The following CDH20 variants were observed in gnomAD, a reference collection of about 807,000 sequenced individuals.
CDH20 encodes the protein cadherin-20.
Under a neutral mutation model 74.2 loss-of-function variants are expected in CDH20, and 29 were observed. The ratio of observed to expected loss-of-function variants is 0.39; its 90% CI spans 0.29 to 0.53. The LOEUF (loss-of-function observed/expected upper bound fraction) is 0.53, where lower values mean the gene tolerates loss of function less well. CDH20 is among the 20% of genes least tolerant of loss of function. CDH20 has a pLI of 0.69. For missense variants in CDH20, 988 were observed against 1,048.3 expected, an observed-to-expected ratio of 0.94 and a Z score of 0.79; for synonymous variants, 469 against 405.4, an observed-to-expected ratio of 1.16 and a Z score of -1.88.
At chr18:61,412,160 C>T (rs1305829523) in intron 1 of CDH20, among the ~76,000 whole-genome samples, 1 of 151,542 alleles carries the variant, frequency 6.6e-6, no homozygotes, top group African/African-American at 2.4e-5. Context: ...TTCCATAAAT[C>T]AGTTAAAAAG....
intron 9 of CDH20, among the ~76,000 whole-genome samples, chr18:61,544,049 T>C (rs1251137893): frequency 6.6e-6 from 1 of 152,244 alleles, no homozygotes; most frequent in Non-Finnish European, 1.5e-5. Flanking sequence ...GTAACATTTA[T>C]CCTATGCCTA....
chr18:61,501,496 G>A (rs73453548), intron 4 of CDH20, among the ~76,000 whole-genome samples: 1 of 152,174 alleles, frequency 6.6e-6, no homozygotes, highest in African/African-American at 2.4e-5. Context: ...ATGGGACCTA[G>A]GAGTAATTAA....
chr18:61,455,742 A>T (rs538499966), intron 1 of CDH20, among the ~76,000 whole-genome samples: 362 of 152,298 alleles, frequency 2.4e-3, no homozygotes, highest in Non-Finnish European at 4.0e-3. Flanking sequence ...GTTTAAAATT[A>T]TTTGCCAGAT....
chr18:61,447,976 A>G (rs1485615615), intron 1 of CDH20, among the ~76,000 whole-genome samples: 1 of 152,146 alleles, frequency 6.6e-6, no homozygotes, highest in Non-Finnish European at 1.5e-5. Flanking sequence ...TTAACCAAAC[A>G]AGGACTCAAT....
In CDH20 at chr18:61,552,010, T is replaced by G. The variant is rs923468125; in HGVS notation, c.1900+1781T>G. On this transcript the variant is annotated intron_variant, in intron 11 of 11. Coordinates refer to ENST00000262717, the MANE Select transcript of CDH20 (RefSeq NM_031891.4). Reference sequence around the variant, plus strand: ...AAGTAAACAGTTTTCAGGAGCTAAATTGAGCAGAGCTGTCATAAAATCCTC... The same window carrying G: ...AAGTAAACAGTTTTCAGGAGCTAAAGTGAGCAGAGCTGTCATAAAATCCTC... Among the ~76,000 whole-genome samples the G allele has an allele frequency of 3.3e-5, 5 of 152,318 alleles. 1 individual carries two copies. In the Middle Eastern group the frequency reaches 0.01, roughly 313 times the overall value.
At chr18:61,470,141 T>C (rs1364552713) in intron 1 of CDH20, among the ~76,000 whole-genome samples, 1 of 152,148 alleles carries the variant, frequency 6.6e-6, no homozygotes, top group African/African-American at 2.4e-5. Flanking sequence ...ACAATTCCCC[T>C]GCCAACGGCT....
intron 1 of CDH20, among the ~76,000 whole-genome samples, chr18:61,347,305 TATATATATATATATAC>T (rs1198383070): frequency 1.2e-5 from 1 of 82,874 alleles, no homozygotes; most frequent in African/African-American, 5.6e-5. Flanking sequence ...TATATATATA[TATATATATATATATAC>T]ACACACACAC....
At chr18:61,414,742 A>C (rs1011701024) in intron 1 of CDH20, among the ~76,000 whole-genome samples, 25 of 152,076 alleles carry the variant, frequency 1.6e-4, no homozygotes, top group African/African-American at 5.5e-4. Context: ...AATGTACATG[A>C]TTGTCAGAGA....
chr18:61,406,727 T>C (rs1306255951), intron 1 of CDH20, among the ~76,000 whole-genome samples: 1 of 151,942 alleles, frequency 6.6e-6, no homozygotes, highest in East Asian at 1.9e-4. Flanking sequence ...AACGAAGAGG[T>C]GGAGGAAAGC....
intron 1 of CDH20, among the ~76,000 whole-genome samples, chr18:61,411,762 G>A (rs1032546208): frequency 1.3e-5 from 2 of 152,076 alleles, no homozygotes; most frequent in African/African-American, 4.8e-5. Context: ...TTCAGGAATG[G>A]AAAACCAAAT....
chr18:61,443,048 A>G (rs1422627665), intron 1 of CDH20, among the ~76,000 whole-genome samples: 1 of 152,214 alleles, frequency 6.6e-6, no homozygotes, highest in Non-Finnish European at 1.5e-5. Context: ...AAGTACTTTT[A>G]TGATGGAAAG....
At chr18:61,417,655 A>G (rs1293833154) in intron 1 of CDH20, among the ~76,000 whole-genome samples, 1 of 149,106 alleles carries the variant, frequency 6.7e-6, no homozygotes, top group Non-Finnish European at 1.5e-5. Flanking sequence ...GAGGCTGGGA[A>G]GGGTAGTGTG....
At chr18:61,475,105 G>A (rs1910322085) in intron 1 of CDH20, among the ~76,000 whole-genome samples, 1 of 152,126 alleles carries the variant, frequency 6.6e-6, no homozygotes, top group African/African-American at 2.4e-5. Flanking sequence ...GATCACTCTG[G>A]CAGATAACAG....
At chr18:61,432,189 A>C (rs1948645485) in intron 1 of CDH20, among the ~76,000 whole-genome samples, 1 of 148,894 alleles carries the variant, frequency 6.7e-6, no homozygotes, top group Admixed American at 6.8e-5. Context: ...GGTTGCAGTG[A>C]GCTGAGACCA....
chr18:61,377,472 T>A (rs1429545617), intron 1 of CDH20, among the ~76,000 whole-genome samples: 2 of 152,014 alleles, frequency 1.3e-5, no homozygotes, highest in Admixed American at 1.3e-4. Context: ...GCCTCATAAG[T>A]GGCCAGCCTC....
intron 1 of CDH20, among the ~76,000 whole-genome samples, chr18:61,387,382 G>A (rs1394134637): frequency 6.6e-6 from 1 of 152,182 alleles, no homozygotes. Flanking sequence ...GTTCTTCAGT[G>A]CAATGATGAA....
chr18:61,435,302 C>T (rs1300942310), intron 1 of CDH20, among the ~76,000 whole-genome samples: 2 of 152,038 alleles, frequency 1.3e-5, no homozygotes, highest in Non-Finnish European at 2.9e-5. Flanking sequence ...AGGACCAATC[C>T]CAGGCAAAAT....
At chr18:61,486,724 C>A (rs1351506029) in intron 1 of CDH20, among the ~76,000 whole-genome samples, 1 of 152,178 alleles carries the variant, frequency 6.6e-6, no homozygotes, top group Non-Finnish European at 1.5e-5. Context: ...CCACTGTCTG[C>A]ATTTACCTCT....
chr18:61,354,114 T>G (rs966887941), intron 1 of CDH20, among the ~76,000 whole-genome samples: 1 of 152,016 alleles, frequency 6.6e-6, no homozygotes, highest in Non-Finnish European at 1.5e-5. Context: ...GAGCCACATT[T>G]CCAGGGCACA....
Sources: allele counts gnomAD v4.1 joint callset (sites outside exome capture counted in the v4.1 genomes callset), GRCh38; gene constraint gnomAD v4.1.1; transcripts MANE v1.5; gene names NCBI Gene and HGNC (gene_info 2026-07-23, HGNC 2026-07-21).